Variants in PTCHD4 observed in about 807,000 individuals in gnomAD.
PTCHD4 encodes patched domain containing 4.
Under a neutral mutation model 58.1 loss-of-function variants are expected in PTCHD4, and 33 were observed. The ratio of observed to expected loss-of-function variants is 0.57; its 90% CI spans 0.43 to 0.76. The LOEUF (loss-of-function observed/expected upper bound fraction) is 0.76, where lower values mean the gene tolerates loss of function less well. PTCHD4 is among the 30% of genes least tolerant of loss of function. The probability of loss-of-function intolerance (pLI) is 0.00; values close to 1 mark genes in which losing one functional copy is unlikely to be tolerated. For missense variants in PTCHD4, 1,058 were observed against 1,027.1 expected (o/e 1.03, Z -0.41); for synonymous variants, 478 against 409.6 (o/e 1.17, Z -2.02).
intron 4 of PTCHD4, among the ~76,000 whole-genome samples, chr6:47,880,693 T>A (rs1763995201): frequency 6.6e-6 from 1 of 152,160 alleles, no homozygotes; most frequent in African/African-American, 2.4e-5. Flanking sequence ...TGAAGAATAC[T>A]TGTTTTAAAC....
At chr6:47,940,436 G>A (rs939316584) in intron 4 of PTCHD4, among the ~76,000 whole-genome samples, 3 of 152,164 alleles carry the variant, frequency 2.0e-5, no homozygotes, top group Non-Finnish European at 4.4e-5. Flanking sequence ...AAAAGAGAGA[G>A]AGAGGGAAGC....
chr6:47,923,820 G>C (rs1306252670), intron 4 of PTCHD4, among the ~76,000 whole-genome samples: 1 of 152,166 alleles, frequency 6.6e-6, no homozygotes, highest in African/African-American at 2.4e-5. Flanking sequence ...AGGTTATCTG[G>C]AGTCAGCTCA....
chr6:47,932,188 G>A (rs1012930525), intron 4 of PTCHD4, among the ~76,000 whole-genome samples: 3 of 152,096 alleles, frequency 2.0e-5, no homozygotes, highest in African/African-American at 4.8e-5. Context: ...GCTGATTTCC[G>A]CCTTCACTAT....
At chr6:47,890,080 T>C in intron 4 of PTCHD4, among the ~76,000 whole-genome samples, 1 of 113,824 alleles carries the variant, frequency 8.8e-6, no homozygotes, top group Non-Finnish European at 2.0e-5. Flanking sequence ...TATATACAGA[T>C]ATACACCCAT....
intron 1 of PTCHD4, among the ~76,000 whole-genome samples, chr6:48,104,461 T>C (rs536865673): frequency 6.6e-6 from 1 of 152,028 alleles, no homozygotes; most frequent in African/African-American, 2.4e-5. Context: ...GCACTAAACA[T>C]GGAAAGGAAC....
At chr6:47,880,667 G>T (rs1016334685) in intron 4 of PTCHD4, among the ~76,000 whole-genome samples, 1 of 152,106 alleles carries the variant, frequency 6.6e-6, no homozygotes, top group African/African-American at 2.4e-5. Flanking sequence ...GCTTTTGACT[G>T]CTTCGTTAAA....
At chr6:48,000,684 A>G (rs1319064185) in intron 4 of PTCHD4, among the ~76,000 whole-genome samples, 1 of 152,118 alleles carries the variant, frequency 6.6e-6, no homozygotes, top group Non-Finnish European at 1.5e-5. Flanking sequence ...TCTCATCCCC[A>G]TATGCACTGA....
At chr6:48,050,748 T>C (rs1764204791) in intron 3 of PTCHD4, among the ~76,000 whole-genome samples, 1 of 151,998 alleles carries the variant, frequency 6.6e-6, no homozygotes, top group South Asian at 2.1e-4. Context: ...CCTATCCCTG[T>C]CTTCAAAAAA....
At chr6:48,059,198 T>G (rs143401063) in intron 3 of PTCHD4, among the ~76,000 whole-genome samples, 2 of 152,330 alleles carry the variant, frequency 1.3e-5, no homozygotes, top group Non-Finnish European at 2.9e-5. Context: ...CTCACTGCAC[T>G]CCAGACCTAC....
chr6:48,101,444 G>C (rs1021450324), intron 1 of PTCHD4, among the ~76,000 whole-genome samples: 1 of 152,150 alleles, frequency 6.6e-6, no homozygotes, highest in African/African-American at 2.4e-5. Flanking sequence ...CATAATAGGG[G>C]ATGTTAACAC....
intron 3 of PTCHD4, among the ~76,000 whole-genome samples, chr6:48,035,165 T>C (rs1763587893): frequency 6.6e-6 from 1 of 152,138 alleles, no homozygotes; most frequent in South Asian, 2.1e-4. Flanking sequence ...AGAAATACAT[T>C]GAAATATTAT....
intron 1 of PTCHD4, among the ~76,000 whole-genome samples, chr6:48,103,944 G>A (rs532397802): frequency 6.6e-6 from 1 of 152,332 alleles, no homozygotes; most frequent in African/African-American, 2.4e-5. Flanking sequence ...AGAAATATGG[G>A]ACTATGTGAA....
chr6:47,904,824 A>G (rs1764824910), intron 4 of PTCHD4, among the ~76,000 whole-genome samples: 1 of 152,204 alleles, frequency 6.6e-6, no homozygotes, highest in Non-Finnish European at 1.5e-5. Context: ...AGTAAGTATA[A>G]ATTACAAAAG....
At chr6:48,100,792 A>AT (rs1444422647) in intron 1 of PTCHD4, among the ~76,000 whole-genome samples, 3 of 152,138 alleles carry the variant, frequency 2.0e-5, no homozygotes, top group African/African-American at 4.8e-5. Flanking sequence ...ACACATATAC[A>AT]TTTTTTTCTT....
chr6:47,928,402 G>A (rs1765697167), intron 4 of PTCHD4, among the ~76,000 whole-genome samples: 1 of 152,162 alleles, frequency 6.6e-6, no homozygotes, highest in South Asian at 2.1e-4. Flanking sequence ...CAAAGGCAGG[G>A]GCCTTGGACA....
At chr6:48,070,887 A>C (rs1222383327) in intron 1 of PTCHD4, among the ~76,000 whole-genome samples, 3 of 152,236 alleles carry the variant, frequency 2.0e-5, no homozygotes, top group African/African-American at 7.2e-5. Context: ...TCCATTTTCT[A>C]TACCTTCGTT....
chr6:48,032,943 T>G (rs1053277951), intron 3 of PTCHD4, among the ~76,000 whole-genome samples: 1 of 152,174 alleles, frequency 6.6e-6, no homozygotes, highest in African/African-American at 2.4e-5. Context: ...TTTTGTTTTC[T>G]TTTGTTTTGC....
chr6:47,921,982 A>G (rs936411110), intron 4 of PTCHD4, among the ~76,000 whole-genome samples: 1 of 150,892 alleles, frequency 6.6e-6, no homozygotes, highest in African/African-American at 2.4e-5. Context: ...AAAAGAAAAG[A>G]AAAGAAACTA....
rs1763793066 is a variant in PTCHD4 at position 47,874,377 on chromosome 6, A to T, written c.*3926T>A. On this transcript the variant is annotated 3_prime_UTR_variant, in exon 5 of 5. Transcript: ENST00000339488. ...CAATAACCCTGAAAATAGTGTCTTT[A>T]ATAACCTATGTACTATTAATAACAA... Among the ~76,000 whole-genome samples, 1 of 151,796 alleles carries T rather than the reference A, an allele frequency of 6.6e-6. No individual in the cohort carries two copies. The highest frequency in any genetic ancestry group is 2.4e-5 in the African/African-American group (1 of 41,394).
Sources: allele counts gnomAD v4.1 joint callset (sites outside exome capture counted in the v4.1 genomes callset), GRCh38; gene constraint gnomAD v4.1.1; transcripts MANE v1.5; gene names NCBI Gene and HGNC (gene_info 2026-07-23, HGNC 2026-07-21).